Variants in TXNDC16 observed in about 807,000 individuals in gnomAD.
TXNDC16 encodes thioredoxin domain-containing protein 16.
In TXNDC16, 74 loss-of-function variants were observed where a neutral mutation model predicts 85.6. The observed-to-expected ratio is 0.86, with a 90% CI of 0.72 to 1.05. The LOEUF (loss-of-function observed/expected upper bound fraction) is 1.05. Ranked by LOEUF, TXNDC16 falls within the 50% of genes least tolerant of loss-of-function variation. The probability of loss-of-function intolerance (pLI) is 0.00; values close to 1 mark genes in which losing one functional copy is unlikely to be tolerated. For missense variants in TXNDC16, 959 were observed against 947.0 expected (o/e 1.01, Z -0.17); for synonymous variants, 335 against 326.5 (o/e 1.03, Z -0.28).
chr14:52,459,425 T>C (rs1433324840), intron 16 of TXNDC16, among the ~76,000 whole-genome samples: 4 of 152,150 alleles, frequency 2.6e-5, no homozygotes, highest in African/African-American at 9.7e-5. Context: ...CTTGAATCAG[T>C]AATAAATAGC....
chr14:52,533,681 A>T (rs1352721522), intron 6 of TXNDC16, among the ~76,000 whole-genome samples: 5 of 152,184 alleles, frequency 3.3e-5, no homozygotes, highest in African/African-American at 7.2e-5. Context: ...TAAATTTTTC[A>T]TCCCTTGGAA....
chr14:52,512,433 C>A (rs1204564375), intron 8 of TXNDC16, among the ~76,000 whole-genome samples: 1 of 152,052 alleles, frequency 6.6e-6, no homozygotes, highest in Non-Finnish European at 1.5e-5. Flanking sequence ...GGAGAGAATT[C>A]CCCCTCCAAT....
intron 14 of TXNDC16, among the ~76,000 whole-genome samples, chr14:52,471,836 T>G (rs2035915139): frequency 6.6e-6 from 1 of 151,540 alleles, no homozygotes; most frequent in Admixed American, 6.6e-5. Flanking sequence ...TAATAAAACG[T>G]GTAAAGTTCT....
intron 9 of TXNDC16, among the ~76,000 whole-genome samples, chr14:52,509,356 G>T (rs569294455): frequency 6.6e-6 from 1 of 152,192 alleles, no homozygotes; most frequent in South Asian, 2.1e-4. Flanking sequence ...AAGTGAACCT[G>T]GAGGGAAATA....
chr14:52,492,550 T>G lies in TXNDC16; in HGVS notation c.757-1545A>C, dbSNP rs1410482162. On this transcript the variant is annotated intron_variant, in intron 9 of 20. Transcript: ENST00000281741. Reference sequence around the variant, plus strand: ...GAATGTGTGAGAATCTGCAACAGTGTTGCCTGCCTCTGCCCCTCCTCCACG... The same window carrying G: ...GAATGTGTGAGAATCTGCAACAGTGGTGCCTGCCTCTGCCCCTCCTCCACG... Among the ~76,000 whole-genome samples, 5 of 152,284 alleles carry G rather than the reference T, an allele frequency of 3.3e-5. No individual in the cohort carries two copies. The East Asian group carries it at 9.6e-4, about 29-fold the overall frequency.
chr14:52,483,148 C>CT (rs1054931178), intron 12 of TXNDC16, among the ~76,000 whole-genome samples, 183 bp from the exon 13 acceptor site: 21 of 152,230 alleles, frequency 1.4e-4, no homozygotes, highest in African/African-American at 4.6e-4. Flanking sequence ...CTCTGAGATG[C>CT]TTCCTGACCT....
Position 52,432,409 on chromosome 14 carries a change from C to A in TXNDC16, c.2373G>T (p.Pro791=). The part of the protein sequence containing the change: ...HEDKSAVRKE[P]IETLRIKHWN... Reference sequence around the variant, plus strand: ...AATGCTTTATTCTCAGAGTTTCAATCGGTTCTTTTCTGACTGCCGATTTAT... The same window carrying A: ...AATGCTTTATTCTCAGAGTTTCAATAGGTTCTTTTCTGACTGCCGATTTAT... The change falls in exon 21 of 21, where the codon CCG becomes CCT. Residue 791 remains proline, a synonymous_variant. Coordinates refer to ENST00000281741, the MANE Select transcript of TXNDC16 (RefSeq NM_020784.3). 5 of 1,613,940 alleles carry A rather than the reference C, an allele frequency of 3.1e-6. No individual in the cohort carries two copies. Among genetic ancestry groups the A allele is most frequent in the African/African-American group, 1.3e-5 (1 of 75,018 alleles).
intron 16 of TXNDC16, among the ~76,000 whole-genome samples, chr14:52,459,375 A>C (rs1422408836): frequency 6.6e-6 from 1 of 152,160 alleles, no homozygotes; most frequent in Non-Finnish European, 1.5e-5. Context: ...TGAACCAGGA[A>C]GAAATTGATT....
intron 9 of TXNDC16, among the ~76,000 whole-genome samples, chr14:52,505,283 ACAC>A (rs1393882048): frequency 6.6e-6 from 1 of 152,176 alleles, no homozygotes; most frequent in Admixed American, 6.5e-5. Flanking sequence ...TTTCAGCACC[ACAC>A]CACACCTATT....
intron 16 of TXNDC16, among the ~76,000 whole-genome samples, chr14:52,458,520 C>A (rs1302108671): frequency 6.6e-6 from 1 of 152,010 alleles, no homozygotes; most frequent in African/African-American, 2.4e-5. Context: ...TCATGCCAGC[C>A]TGGGCCACAG....
chr14:52,548,310 T>A lies in TXNDC16; in HGVS notation c.-181-3939A>T, dbSNP rs557567769. 6.6e-5 allele frequency among the ~76,000 whole-genome samples: 10 copies of A among 152,288 alleles called. No individual in the cohort carries two copies. The South Asian group carries it at 1.2e-3, about 19-fold the overall frequency. On this transcript the variant is annotated intron_variant, in intron 1 of 20. Transcript: ENST00000281741. ...GGCCTTGAGCTTCCACAACCCTTCATATTTATTGGGTAGCAAGAGCAGGGA... is the reference window on the plus strand; with the variant it reads ...GGCCTTGAGCTTCCACAACCCTTCAAATTTATTGGGTAGCAAGAGCAGGGA...
At chr14:52,532,891 A>T (rs767440711) in intron 6 of TXNDC16, among the ~76,000 whole-genome samples, 4 of 152,218 alleles carry the variant, frequency 2.6e-5, no homozygotes, top group Non-Finnish European at 4.4e-5. Context: ...GGTACAGCTA[A>T]GGGACAGCAT....
chr14:52,467,239 T>C (rs1277958751), intron 16 of TXNDC16, among the ~76,000 whole-genome samples: 2 of 151,798 alleles, frequency 1.3e-5, no homozygotes, highest in Non-Finnish European at 2.9e-5. Context: ...CCAACACTCA[T>C]CCCATGCACT....
intron 18 of TXNDC16, among the ~76,000 whole-genome samples, chr14:52,446,581 T>A (rs919670337): frequency 1.3e-5 from 2 of 152,088 alleles, no homozygotes; most frequent in African/African-American, 4.8e-5. Context: ...CCTACTGAGA[T>A]ACCAGCCAGG....
chr14:52,506,898 T>C (rs2036822512), intron 9 of TXNDC16, among the ~76,000 whole-genome samples: 1 of 151,058 alleles, frequency 6.6e-6, no homozygotes, highest in African/African-American at 2.4e-5. Flanking sequence ...AACTTAGGTA[T>C]TGATGGGATG....
intron 7 of TXNDC16, among the ~76,000 whole-genome samples, chr14:52,516,238 C>G (rs375036895): frequency 6.6e-6 from 1 of 152,122 alleles, no homozygotes; most frequent in Non-Finnish European, 1.5e-5. Flanking sequence ...TTATTGCTTC[C>G]TTGTGCCCAT....
chr14:52,436,237 T>G (rs1023652046), intron 20 of TXNDC16, among the ~76,000 whole-genome samples: 2 of 152,156 alleles, frequency 1.3e-5, no homozygotes, highest in Non-Finnish European at 2.9e-5. Flanking sequence ...TATTCATCCA[T>G]AAAAAGGAAT....
intron 16 of TXNDC16, among the ~76,000 whole-genome samples, chr14:52,469,560 T>C (rs1043863864): frequency 6.6e-6 from 1 of 151,878 alleles, no homozygotes; most frequent in Admixed American, 6.6e-5. Flanking sequence ...CTGGCCAACA[T>C]GGTGAAACCC....
chr14:52,540,589 C>T (rs1052234737), intron 4 of TXNDC16, among the ~76,000 whole-genome samples: 1 of 152,068 alleles, frequency 6.6e-6, no homozygotes, highest in Non-Finnish European at 1.5e-5. Flanking sequence ...GGTGCCACTG[C>T]ACTCCAGCCT....
Sources: allele counts gnomAD v4.1 joint callset (sites outside exome capture counted in the v4.1 genomes callset), GRCh38; gene constraint gnomAD v4.1.1; transcripts MANE v1.5; gene names NCBI Gene and HGNC (gene_info 2026-07-23, HGNC 2026-07-21).